RALGPS1: variants seen among roughly 807,000 people sequenced by gnomAD.
RALGPS1 encodes Ral GEF with PH domain and SH3 binding motif 1.
Under a neutral mutation model 78.8 loss-of-function variants are expected in RALGPS1, and 19 were observed. That is an observed-to-expected ratio of 0.24 (90% CI 0.17 to 0.35). The LOEUF (loss-of-function observed/expected upper bound fraction) is 0.35, where lower values mean the gene tolerates loss of function less well. Ranked by LOEUF, RALGPS1 falls within the 10% of genes least tolerant of loss-of-function variation. The probability of loss-of-function intolerance (pLI) is 1.00; values close to 1 mark genes in which losing one functional copy is unlikely to be tolerated. For missense variants in RALGPS1, 454 were observed against 688.3 expected (o/e 0.66, Z 3.81); for synonymous variants, 228 against 256.3 (o/e 0.89, Z 1.06).
At chr9:127,002,824 A>G (rs1588956467) in intron 4 of RALGPS1, among the ~76,000 whole-genome samples, 2 of 151,784 alleles carry the variant, frequency 1.3e-5, no homozygotes, top group East Asian at 3.9e-4. Context: ...TATGTGCCAC[A>G]TTTTCTTAAT....
At chr9:127,204,098 G>C (rs2061799838) in intron 14 of RALGPS1, among the ~76,000 whole-genome samples, 1 of 152,222 alleles carries the variant, frequency 6.6e-6, no homozygotes, top group African/African-American at 2.4e-5. Context: ...CCTCAGCCCT[G>C]TGATGAGGCT....
chr9:127,165,022 A>C (rs960419121), intron 8 of RALGPS1, among the ~76,000 whole-genome samples: 3 of 152,220 alleles, frequency 2.0e-5, no homozygotes, highest in African/African-American at 7.2e-5. Context: ...TAACTTTTTT[A>C]TGCTATGTAT....
At chr9:127,210,637 T>C in intron 14 of RALGPS1, 12 of 1,357,666 alleles carry the variant, frequency 8.8e-6, no homozygotes, top group Non-Finnish European at 1.2e-5. Flanking sequence ...TCTTGCCTCC[T>C]TCAGGAGCAT....
chr9:127,221,739 T>A lies in RALGPS1; in HGVS notation c.*2970T>A, dbSNP rs1413618271. ...TTTTGCCAGTTGAATTTATAGAGCA[T>A]TTTTTTTCTTACCAAGATGGCCAGT... On this transcript the variant is annotated 3_prime_UTR_variant, in exon 19 of 19. Transcript: ENST00000259351. 1 of 151,988 alleles carries A rather than the reference T, an allele frequency of 6.6e-6. No individual in the cohort carries two copies. Among genetic ancestry groups the A allele is most frequent in the Non-Finnish European group, 1.5e-5 (1 of 67,984 alleles). The allele number at this position is 151,988 out of a possible 1,614,324, so 9.4% of individuals were successfully genotyped here.
intron 4 of RALGPS1, among the ~76,000 whole-genome samples, chr9:127,006,591 G>A (rs2133785391): frequency 6.6e-6 from 1 of 152,208 alleles, no homozygotes; most frequent in East Asian, 1.9e-4. Context: ...TATGTGACAG[G>A]CATTATTCTA....
At chr9:127,186,114 A>G (rs752442271) in intron 11 of RALGPS1, among the ~76,000 whole-genome samples, 1 of 152,168 alleles carries the variant, frequency 6.6e-6, no homozygotes, top group Non-Finnish European at 1.5e-5. Flanking sequence ...CTTCCAATCA[A>G]TGAGAGGTCT....
intron 2 of RALGPS1, among the ~76,000 whole-genome samples, chr9:126,965,622 A>G (rs2039408067): frequency 6.6e-6 from 1 of 152,254 alleles, no homozygotes; most frequent in South Asian, 2.1e-4. Flanking sequence ...AAATGGGAAC[A>G]ATAATAATTT....
chr9:127,037,110 A>G (rs1220296836), intron 5 of RALGPS1, among the ~76,000 whole-genome samples: 1 of 152,326 alleles, frequency 6.6e-6, no homozygotes, highest in East Asian at 1.9e-4. Flanking sequence ...TGAAGACTAA[A>G]CAAGAATCAT....
chr9:127,104,053 C>T (rs1050798693), intron 8 of RALGPS1, among the ~76,000 whole-genome samples: 2 of 152,196 alleles, frequency 1.3e-5, no homozygotes, highest in Admixed American at 6.5e-5. Flanking sequence ...CCAACAGGCT[C>T]TGTTACAGGA....
At chr9:127,065,160 C>T (rs1013512327) in intron 7 of RALGPS1, among the ~76,000 whole-genome samples, 5 of 152,138 alleles carry the variant, frequency 3.3e-5, no homozygotes, top group African/African-American at 1.2e-4. Context: ...GTGGCCTAGA[C>T]TAGAATGCAG....
chr9:127,070,917 G>GT (rs932559684), intron 8 of RALGPS1, among the ~76,000 whole-genome samples: 9 of 151,352 alleles, frequency 5.9e-5, no homozygotes, highest in Admixed American at 2.6e-4. Context: ...TGGAAAATTT[G>GT]TTTTTTAGTA....
intron 1 of RALGPS1, among the ~76,000 whole-genome samples, chr9:126,951,259 T>A (rs557465370): frequency 6.8e-6 from 1 of 147,248 alleles, no homozygotes; most frequent in Admixed American, 6.8e-5. Flanking sequence ...ACTGGTACCA[T>A]TCCTTCTGAA....
intron 8 of RALGPS1, among the ~76,000 whole-genome samples, chr9:127,144,199 C>T (rs1334689263): frequency 1.3e-5 from 2 of 152,222 alleles, no homozygotes; most frequent in South Asian, 2.1e-4. Flanking sequence ...TTGGCTGTCC[C>T]CCTCTAACAG....
intron 3 of RALGPS1, among the ~76,000 whole-genome samples, chr9:126,970,616 AGTGT>A (rs56406500): frequency 6.6e-6 from 1 of 151,110 alleles, no homozygotes; most frequent in Non-Finnish European, 1.5e-5. Context: ...ATGATCTAAG[AGTGT>A]GTGTGTGTGT....
rs929033134 is a variant in RALGPS1 at position 127,205,729 on chromosome 9, G to A, written c.1248-6402G>A. On this transcript the variant is annotated intron_variant, in intron 14 of 18. Transcript: ENST00000259351. This position sits in a 1 kb window ranked among gnomAD's most constrained non-coding sequence, Gnocchi z 4.0. ...ATTTCTGAACTTCTCAGTGCACAGA[G>A]GGGAAGATGGATGATGCCTCATGGC... is the stretch of plus-strand genomic sequence containing the variant. 6.6e-6 allele frequency among the ~76,000 whole-genome samples: 1 copy of A among 152,234 alleles called. No individual in the cohort carries two copies. Among genetic ancestry groups the A allele is most frequent in the Non-Finnish European group, 1.5e-5 (1 of 68,044 alleles).
chr9:127,015,925 T>G (rs1255337185), intron 4 of RALGPS1, among the ~76,000 whole-genome samples: 1 of 152,136 alleles, frequency 6.6e-6, no homozygotes, highest in Non-Finnish European at 1.5e-5. Flanking sequence ...CCTTCTGCCC[T>G]TGACTGCCTT....
intron 11 of RALGPS1, among the ~76,000 whole-genome samples, chr9:127,176,196 G>A (rs1404856809): frequency 6.6e-6 from 1 of 152,152 alleles, no homozygotes; most frequent in Non-Finnish European, 1.5e-5. Flanking sequence ...TTTTCACAGG[G>A]TTTCCATAAG....
rs78737030 is a variant in RALGPS1 at position 127,165,192 on chromosome 9, A to T, written c.611-877A>T. ...GTCACTTCTCCTGCCCAACTCTGCC[A>T]GTGTGGTGGGCACAATAGCAGTGCT... On this transcript the variant is annotated intron_variant, in intron 8 of 18. Transcript: ENST00000259351. Among the ~76,000 whole-genome samples, 380 of 152,350 alleles carry T rather than the reference A, an allele frequency of 2.5e-3. 1 individual carries two copies. Among genetic ancestry groups the T allele is most frequent in the Non-Finnish European group, 4.9e-3 (336 of 68,030 alleles).
At chr9:126,970,015 T>G (rs1217605898) in intron 3 of RALGPS1, among the ~76,000 whole-genome samples, 1 of 152,152 alleles carries the variant, frequency 6.6e-6, no homozygotes, top group Non-Finnish European at 1.5e-5. Flanking sequence ...CATTTTAGTT[T>G]CCTGTCTAGT....
Sources: allele counts gnomAD v4.1 joint callset (sites outside exome capture counted in the v4.1 genomes callset), GRCh38; gene constraint gnomAD v4.1.1; non-coding constraint Gnocchi (gnomAD v3.1); transcripts MANE v1.5; gene names NCBI Gene and HGNC (gene_info 2026-07-23, HGNC 2026-07-21).